The following CNTNAP2 variants were observed in gnomAD, a reference collection of about 807,000 sequenced individuals.
The protein encoded by CNTNAP2 is contactin associated protein 2.
CNTNAP2 carries 98 observed loss-of-function variants against 155.2 expected under a neutral mutation model. The observed-to-expected ratio is 0.63, with a 90% CI of 0.54 to 0.75. The LOEUF is 0.75. CNTNAP2 is among the 30% of genes least tolerant of loss of function. The pLI is 0.00. For missense variants in CNTNAP2, 1,727 were observed against 1,688.1 expected (o/e 1.02, Z -0.40); for synonymous variants, 651 against 631.2 (o/e 1.03, Z -0.47).
chr7:148,371,778 T>C (rs752574247), intron 21 of CNTNAP2, among the ~76,000 whole-genome samples: 1 of 152,200 alleles, frequency 6.6e-6, no homozygotes, highest in Non-Finnish European at 1.5e-5. Flanking sequence ...CCAGGCTCTG[T>C]GCTACAGCCC....
intron 15 of CNTNAP2, among the ~76,000 whole-genome samples, chr7:148,092,379 A>C (rs1235682646): frequency 6.6e-6 from 1 of 152,222 alleles, no homozygotes; most frequent in Non-Finnish European, 1.5e-5. Flanking sequence ...GCAACAGGCC[A>C]GGAGAGCTCT....
At chr7:148,331,728 ATGG>A in intron 21 of CNTNAP2, among the ~76,000 whole-genome samples, 1 of 151,328 alleles carries the variant, frequency 6.6e-6, no homozygotes, top group Non-Finnish European at 1.5e-5. Flanking sequence ...GATGGATTGG[ATGG>A]ATGGAGTGGA....
chr7:147,175,588 G>A (rs529687710), intron 8 of CNTNAP2, among the ~76,000 whole-genome samples: 1 of 152,182 alleles, frequency 6.6e-6, no homozygotes, highest in African/African-American at 2.4e-5. Context: ...GAAGGAAGAG[G>A]GACACAGAGA....
intron 2 of CNTNAP2, among the ~76,000 whole-genome samples, chr7:146,831,543 G>A (rs534457757): frequency 2.0e-5 from 3 of 151,924 alleles, no homozygotes; most frequent in South Asian, 2.1e-4. Flanking sequence ...GGGCATGGTG[G>A]CATGTGCCTG....
chr7:147,082,843 T>A (rs2129268963), intron 4 of CNTNAP2: 1 of 152,132 alleles, frequency 6.6e-6, no homozygotes, highest in East Asian at 1.9e-4. Flanking sequence ...TTGGGAGCCA[T>A]TTGGGAGCCA....
At chr7:147,251,021 G>T (rs988856204) in intron 8 of CNTNAP2, among the ~76,000 whole-genome samples, 5 of 152,106 alleles carry the variant, frequency 3.3e-5, no homozygotes, top group African/African-American at 9.7e-5. Flanking sequence ...CTTAGAAAAA[G>T]ACTCCATCTT....
rs551730814 is a variant in CNTNAP2 at position 147,027,139 on chromosome 7, T to C, written c.403-16768T>C. On this transcript the variant is annotated intron_variant, in intron 3 of 23. Coordinates refer to ENST00000361727, the MANE Select transcript of CNTNAP2 (RefSeq NM_014141.6). Reference sequence around the variant, plus strand: ...TCATGTCACTCTTTCTTCCCCTTAATTGAGGAAAATGTGTTCAGAAGTTAA... The same window carrying C: ...TCATGTCACTCTTTCTTCCCCTTAACTGAGGAAAATGTGTTCAGAAGTTAA... 2.6e-5 allele frequency among the ~76,000 whole-genome samples: 4 copies of C among 152,254 alleles called. No individual in the cohort carries two copies. The East Asian group carries it at 5.8e-4, about 22-fold the overall frequency.
At chr7:146,406,441 A>G (rs1795793103) in intron 1 of CNTNAP2, among the ~76,000 whole-genome samples, 3 of 152,188 alleles carry the variant, frequency 2.0e-5, no homozygotes, top group South Asian at 4.1e-4. Flanking sequence ...GATGCAATAT[A>G]TTTCTTTCTA....
intron 10 of CNTNAP2, among the ~76,000 whole-genome samples, chr7:147,430,846 C>A (rs1010546031): frequency 6.6e-6 from 1 of 151,904 alleles, no homozygotes; most frequent in Non-Finnish European, 1.5e-5. Flanking sequence ...GGGTGGATCA[C>A]GAGGTCAGGA....
At chr7:148,178,841 T>C (rs528185015) in intron 18 of CNTNAP2, among the ~76,000 whole-genome samples, 22 of 152,218 alleles carry the variant, frequency 1.4e-4, no homozygotes, top group Non-Finnish European at 2.8e-4. Flanking sequence ...TTGGTTTGTG[T>C]TTTTGTTTTT....
chr7:147,246,467 T>A (rs2116649442), intron 8 of CNTNAP2, among the ~76,000 whole-genome samples: 1 of 152,290 alleles, frequency 6.6e-6, no homozygotes, highest in East Asian at 1.9e-4. Flanking sequence ...GCAGATTCAG[T>A]GTCTGGTGAG....
intron 9 of CNTNAP2, among the ~76,000 whole-genome samples, chr7:147,380,053 C>T (rs826814): frequency 0.13 from 19,884 of 151,918 alleles, 1,541 homozygotes; most frequent in East Asian, 0.31. Context: ...CATGTTGCCT[C>T]GTCCTAGGAA....
intron 1 of CNTNAP2, among the ~76,000 whole-genome samples, chr7:146,462,205 G>A (rs994092675): frequency 9.9e-5 from 15 of 152,134 alleles, no homozygotes; most frequent in African/African-American, 3.6e-4. Context: ...TTGGTGTGTA[G>A]CACACTGTTT....
chr7:146,531,338 G>A lies in CNTNAP2; in HGVS notation c.98-242933G>A, dbSNP rs111773035. Among the ~76,000 whole-genome samples, 721 of 152,104 alleles carry A rather than the reference G, an allele frequency of 4.7e-3. 8 individuals carry two copies. The highest frequency in any genetic ancestry group is 0.016 in the African/African-American group (682 of 41,492). ...CCCTGCGAACAAACAATTTACATAT[G>A]TAACAAACCTGTACATGTTCCCCTG... On this transcript the variant is annotated intron_variant, in intron 1 of 23. Transcript: ENST00000361727.
chr7:146,988,510 G>A (rs924173975), intron 3 of CNTNAP2, among the ~76,000 whole-genome samples: 3 of 152,050 alleles, frequency 2.0e-5, no homozygotes, highest in Admixed American at 1.3e-4. Context: ...TTTGTATTTG[G>A]TATGATTCGA....
intron 1 of CNTNAP2, among the ~76,000 whole-genome samples, chr7:146,526,827 G>A (rs801948): frequency 1.3e-5 from 2 of 152,074 alleles, no homozygotes; most frequent in Non-Finnish European, 2.9e-5. Context: ...AATATTTTAA[G>A]ACTCATTACA....
intron 1 of CNTNAP2, among the ~76,000 whole-genome samples, chr7:146,745,832 C>T (rs550634907): frequency 5.0e-4 from 75 of 151,260 alleles, no homozygotes; most frequent in African/African-American, 1.7e-3. Context: ...TTTCCCTTCA[C>T]AAAAGAAGAG....
At chr7:146,222,164 A>C (rs1419991202) in intron 1 of CNTNAP2, among the ~76,000 whole-genome samples, 1 of 152,226 alleles carries the variant, frequency 6.6e-6, no homozygotes, top group Non-Finnish European at 1.5e-5. Flanking sequence ...CATTCATTCT[A>C]GCAAGAAACA....
rs73469272 is a variant in CNTNAP2, at chr7:147,320,030, C to T, written c.1498+19740C>T. Among the ~76,000 whole-genome samples, 1,429 of 152,228 alleles carry T rather than the reference C, an allele frequency of 9.4e-3. 25 individuals carry two copies. The highest frequency in any genetic ancestry group is 0.033 in the African/African-American group (1,353 of 41,548). ...AAAATAAATGGGTATGTTTGTATTCCAGTAAAACATTTACAAAAACAAGTG... is the reference window on the plus strand; with the variant it reads ...AAAATAAATGGGTATGTTTGTATTCTAGTAAAACATTTACAAAAACAAGTG... On this transcript the variant is annotated intron_variant, in intron 9 of 23. Coordinates refer to ENST00000361727, the MANE Select transcript of CNTNAP2 (RefSeq NM_014141.6).
Sources: allele counts gnomAD v4.1 joint callset (sites outside exome capture counted in the v4.1 genomes callset), GRCh38; gene constraint gnomAD v4.1.1; transcripts MANE v1.5; gene names NCBI Gene and HGNC (gene_info 2026-07-23, HGNC 2026-07-21).